HMCN2: variants seen among roughly 807,000 people sequenced by gnomAD.
The protein encoded by HMCN2 is hemicentin-2.
HMCN2 carries 325 observed loss-of-function variants against 377.5 expected under a neutral mutation model. The observed-to-expected ratio is 0.86, with a 90% CI of 0.79 to 0.94. The LOEUF (loss-of-function observed/expected upper bound fraction) is 0.94, where lower values mean the gene tolerates loss of function less well. Ranked by LOEUF, HMCN2 falls within the 40% of genes least tolerant of loss-of-function variation. The probability of loss-of-function intolerance (pLI) is 0.00; values close to 1 mark genes in which losing one functional copy is unlikely to be tolerated. For synonymous variants in HMCN2, 2,007 were observed against 2,046.8 expected, an observed-to-expected ratio of 0.98 and a Z score of 0.53; for missense variants, 4,543 against 4,725.3, an observed-to-expected ratio of 0.96 and a Z score of 1.13.
At chr9:130,426,154 A>G (rs545302531) in intron 90 of HMCN2, among the ~76,000 whole-genome samples, 1 of 151,936 alleles carries the variant, frequency 6.6e-6, no homozygotes, top group African/African-American at 2.4e-5. Flanking sequence ...CCTTGTTCCA[A>G]CCTCTGGATC....
rs28593285 is a variant in HMCN2, at chr9:130,277,952, T to C, written c.260-6651T>C. ...ATCATCACCACCACCATCATCATCA[T>C]CACCACCACCACCACCATCATCATC... On this transcript the variant is annotated intron_variant, in intron 1 of 97. Coordinates refer to ENST00000683500, the MANE Select transcript of HMCN2 (RefSeq NM_001291815.2). Among the ~76,000 whole-genome samples the C allele has an allele frequency of 1.9e-4, 15 of 79,310 alleles. 1 individual carries two copies. The South Asian group carries it at 2.0e-3, about 11-fold the overall frequency. The allele number at this position is 79,310 out of a possible 152,430, so 52.0% of individuals were successfully genotyped here.
At chr9:130,330,034 CCCCTTCCCCT>C (rs1157303835) in intron 22 of HMCN2, among the ~76,000 whole-genome samples, 2 of 149,718 alleles carry the variant, frequency 1.3e-5, no homozygotes, top group Admixed American at 6.6e-5. Flanking sequence ...CCCTCCTCCT[CCCCTTCCCCT>C]CCCTTCCCCT....
intron 85 of HMCN2, among the ~76,000 whole-genome samples, chr9:130,415,304 CT>C (rs2131771908): frequency 6.6e-6 from 1 of 152,338 alleles, no homozygotes; most frequent in African/African-American, 2.4e-5. Context: ...CAGACACCAA[CT>C]GAGATAGCAC....
intron 92 of HMCN2, among the ~76,000 whole-genome samples, chr9:130,427,824 G>A (rs1844475851): frequency 6.6e-6 from 1 of 152,180 alleles, no homozygotes; most frequent in Admixed American, 6.5e-5. Context: ...AGATGAATGA[G>A]GCCCAGGTAT....
At chr9:130,348,381 G>A (rs1839503948) in intron 26 of HMCN2, 164 bp from the exon 27 acceptor site, 3 of 937,930 alleles carry the variant, frequency 3.2e-6, no homozygotes, top group African/African-American at 1.8e-5. Context: ...AGGCTGCTGC[G>A]GCCATCTGCA....
chr9:130,336,966 G>A (rs1034669395), intron 22 of HMCN2, among the ~76,000 whole-genome samples: 24 of 152,228 alleles, frequency 1.6e-4, no homozygotes, highest in East Asian at 7.8e-4. Flanking sequence ...CAGGCATCCC[G>A]GGCCTGCTGG....
In HMCN2 at chr9:130,406,076, T is replaced by G; in HGVS notation, c.12461T>G (p.Leu4154Arg). The G allele has an allele frequency of 2.3e-5, 30 of 1,289,854 alleles. No homozygotes were observed. The highest frequency in any genetic ancestry group is 2.6e-5 in the Non-Finnish European group (26 of 988,884). The allele number at this position is 1,289,854 out of a possible 1,614,324, so 79.9% of individuals were successfully genotyped here. Residue 4154 changes from leucine (L) to arginine (R), a missense_variant, in exon 82 of 98, where the codon CTG (leucine) becomes CGG (arginine). Physicochemically the swap from Leu to Arg is moderately radical, Grantham distance 102. This residue lies in a region of HMCN2 where 1,073 missense variants were observed against 1,319.5 expected (regional missense o/e 0.81). Coordinates refer to ENST00000683500, the MANE Select transcript of HMCN2 (RefSeq NM_001291815.2). ...ACCACCCTGCCTGGGGACCGCAGCC[T>G]GCGCCTTGGGGACAGGCTGTGGCTT... Reference protein sequence around the residue: ...VFTTLPGDRSLRLGDRLWLRC... With the variant: ...VFTTLPGDRSRRLGDRLWLRC...
chr9:130,401,125 G>A (rs1256126403), intron 77 of HMCN2, among the ~76,000 whole-genome samples, 178 bp downstream of exon 77: 1 of 152,142 alleles, frequency 6.6e-6, no homozygotes, highest in Non-Finnish European at 1.5e-5. Flanking sequence ...TCTCCTCCAT[G>A]CTCTGCAGTG....
intron 77 of HMCN2, among the ~76,000 whole-genome samples, chr9:130,401,198 A>G (rs1207739584): frequency 6.6e-5 from 10 of 152,194 alleles, no homozygotes; most frequent in Non-Finnish European, 1.5e-5. Flanking sequence ...ATGGCAAAAT[A>G]AGAAAAATAA....
chr9:130,266,681 G>A (rs1305788714), intron 1 of HMCN2, among the ~76,000 whole-genome samples: 17 of 152,206 alleles, frequency 1.1e-4, no homozygotes, highest in African/African-American at 4.1e-4. Flanking sequence ...TTGTCCCCTC[G>A]CCTGTCTTCC....
At chr9:130,340,424 A>G (rs1274070808) in intron 23 of HMCN2, among the ~76,000 whole-genome samples, 1 of 152,142 alleles carries the variant, frequency 6.6e-6, no homozygotes, top group South Asian at 2.1e-4. Context: ...ACCTCCGCAC[A>G]TGCTGCCTCC....
intron 13 of HMCN2, 44 bp from the exon 14 acceptor site, chr9:130,307,409 C>G: frequency 2.1e-6 from 1 of 469,944 alleles, no homozygotes; most frequent in South Asian, 1.6e-5. Context: ...TTCTTTATGA[C>G]CTTTGAAGGT....
Position 130,377,728 on chromosome 9 carries a change from CG to C in HMCN2, c.8145del (p.Arg2716GlyfsTer133). ...ATCCAGCCCACACAGGTCTCAGACT[CG>C]GGGCGGTACCTGTGTGTGGCCACCA... Reference protein sequence around the residue: ...LQIQPTQVSDSGRYLCVATNV... With the variant: ...LQIQPTQVSDXGRYLCVATNV... On this transcript the variant is annotated frameshift_variant, in exon 53 of 98. Transcript: ENST00000683500. LOFTEE classifies it high-confidence loss of function. The C allele has an allele frequency of 1.0e-6, 1 of 985,924 alleles. No homozygotes were observed. Among genetic ancestry groups the C allele is most frequent in the Non-Finnish European group, 1.2e-6 (1 of 829,946 alleles). The allele number at this position is 985,924 out of a possible 1,614,324, so 61.1% of individuals were successfully genotyped here.
chr9:130,373,176 C>A, intron 48 of HMCN2, 52 bp downstream of exon 48: 1 of 722,954 alleles, frequency 1.4e-6, no homozygotes, highest in Non-Finnish European at 1.7e-6. Context: ...AAGGCACCTT[C>A]AGAAAGGAGG....
chr9:130,286,217 C>T lies in HMCN2; in HGVS notation c.519C>T (p.Gly173=), dbSNP rs530447428. The T allele has an allele frequency of 3.6e-5, 17 of 470,872 alleles. No homozygotes were observed. Among genetic ancestry groups the T allele is most frequent in the East Asian group, 3.5e-4 (5 of 14,392 alleles). 29.2% of individuals were successfully genotyped at this position (470,872 alleles called of 1,614,324 possible). The change falls in exon 4 of 98, where the codon GGC becomes GGT. Residue 173 remains glycine, a synonymous_variant. Transcript: ENST00000683500. ...QVVFVLTGDC[G]DRTHPGYLAY... is the part of the protein sequence containing the mutation. Reference sequence around the variant, plus strand: ...TCTTTGTGCTGACGGGGGACTGTGGCGACCGCACCCATCCTGGCTACCTGG... The same window carrying T: ...TCTTTGTGCTGACGGGGGACTGTGGTGACCGCACCCATCCTGGCTACCTGG...
chr9:130,409,323 G>A (rs868678351), intron 84 of HMCN2, among the ~76,000 whole-genome samples: 43 of 152,346 alleles, frequency 2.8e-4, no homozygotes, highest in African/African-American at 9.4e-4. Flanking sequence ...GAAGTTCAGA[G>A]AGGCCCACAA....
At chr9:130,330,838 G>A (rs1838386397) in intron 22 of HMCN2, among the ~76,000 whole-genome samples, 2 of 151,960 alleles carry the variant, frequency 1.3e-5, no homozygotes, top group Non-Finnish European at 2.9e-5. Flanking sequence ...TCCTTTTGAA[G>A]GGCAAAATAG....
chr9:130,417,156 A>G (rs1385617396), intron 85 of HMCN2, among the ~76,000 whole-genome samples: 1 of 151,662 alleles, frequency 6.6e-6, no homozygotes, highest in Admixed American at 6.6e-5. Context: ...CAAGCAATCC[A>G]CCCACCTCAG....
At chr9:130,390,472 C>T (rs1053137947) in intron 62 of HMCN2, among the ~76,000 whole-genome samples, 4 of 152,192 alleles carry the variant, frequency 2.6e-5, no homozygotes, top group African/African-American at 9.7e-5. Flanking sequence ...AGGATCTGGG[C>T]AAGGAGATCG....
Sources: allele counts gnomAD v4.1 joint callset (sites outside exome capture counted in the v4.1 genomes callset), GRCh38; gene constraint gnomAD v4.1.1; regional missense constraint gnomAD v4.1.1; transcripts MANE v1.5; gene names NCBI Gene and HGNC (gene_info 2026-07-23, HGNC 2026-07-21).